The following ENPP1 variants were observed in gnomAD, a reference collection of about 807,000 sequenced individuals.
ENPP1 encodes ectonucleotide pyrophosphatase/phosphodiesterase 1.
In ENPP1, 73 loss-of-function variants were observed where a neutral mutation model predicts 122.8. The observed-to-expected ratio is 0.59, with a 90% CI of 0.49 to 0.72. ENPP1 has a LOEUF of 0.72. Among genes scored for constraint, ENPP1 ranks in the 30% least tolerant of loss-of-function variants. The pLI, the probability that ENPP1 is intolerant of heterozygous loss-of-function variation, is 0.00. For missense variants in ENPP1, 978 were observed against 1,128.1 expected (o/e 0.87, Z 1.91); for synonymous variants, 367 against 391.6 (o/e 0.94, Z 0.74).
chr6:131,864,916 C>T lies in ENPP1; in HGVS notation c.1142C>T (p.Ser381Leu). Residue 381 changes from serine to leucine, a missense_variant, in exon 11 of 25, where the codon TCA becomes TTA. Coordinates refer to ENST00000647893, the MANE Select transcript of ENPP1 (RefSeq NM_006208.3). ...GAAGAACCAGATTCTTCAGGTCATT[C>T]ATATGGACCAGTCAGCAGTGAAGTA... Reference protein sequence around the residue: ...YLEEPDSSGHSYGPVSSEVIK... With the variant: ...YLEEPDSSGHLYGPVSSEVIK... 1 of 1,602,356 alleles carries T rather than the reference C, an allele frequency of 6.2e-7. No individual in the cohort carries two copies. The highest frequency in any genetic ancestry group is 8.6e-7 in the Non-Finnish European group (1 of 1,169,472).
intron 22 of ENPP1, among the ~76,000 whole-genome samples, 199 bp from the exon 23 acceptor site, chr6:131,884,732 G>A (rs1782354167): frequency 6.6e-6 from 1 of 152,146 alleles, no homozygotes; most frequent in African/African-American, 2.4e-5. Flanking sequence ...CTATGATTGT[G>A]CCACTGCACT....
chr6:131,822,731 C>T (rs1781497735), intron 1 of ENPP1, among the ~76,000 whole-genome samples: 1 of 152,020 alleles, frequency 6.6e-6, no homozygotes, highest in Non-Finnish European at 1.5e-5. Context: ...ATTTTAGTAT[C>T]CTCAATTCAG....
Position 131,893,945 on chromosome 6 carries a change from ATTTCTTTTTTT to A in ENPP1, c.*3438_*3448del, listed in dbSNP as rs1782507454. On this transcript the variant is annotated 3_prime_UTR_variant, in exon 25 of 25. Transcript: ENST00000647893. Reference sequence around the variant, plus strand: ...CAAAGTGAAACCTTTATTTATCTTGATTTCTTTTTTTTTTTTTTTTTTTTTTTTTTTTTTGA... The same window carrying A: ...CAAAGTGAAACCTTTATTTATCTTGATTTTTTTTTTTTTTTTTTTTTTTGA... 1 of 67,172 alleles carries A rather than the reference ATTTCTTTTTTT, an allele frequency of 1.5e-5. No individual in the cohort carries two copies. The highest frequency in any genetic ancestry group is 5.2e-5 in the African/African-American group (1 of 19,182). 4.2% of individuals were successfully genotyped at this position (67,172 alleles called of 1,614,324 possible).
At chr6:131,822,092 G>T (rs112019819) in intron 1 of ENPP1, among the ~76,000 whole-genome samples, 2 of 152,118 alleles carry the variant, frequency 1.3e-5, no homozygotes, top group African/African-American at 4.8e-5. Context: ...TGGATTAGTC[G>T]GGGAAATAAG....
intron 1 of ENPP1, among the ~76,000 whole-genome samples, chr6:131,814,296 G>C (rs577609248): frequency 6.6e-6 from 1 of 152,132 alleles, no homozygotes; most frequent in African/African-American, 2.4e-5. Flanking sequence ...CATGTGGTAG[G>C]ACTTCCAAAA....
chr6:131,829,933 G>A (rs1349396884), intron 1 of ENPP1, among the ~76,000 whole-genome samples: 1 of 152,078 alleles, frequency 6.6e-6, no homozygotes, highest in Non-Finnish European at 1.5e-5. Context: ...GGCCTCTCCT[G>A]GTCTGATGCT....
chr6:131,826,091 C>T, intron 1 of ENPP1: 1 of 793,382 alleles, frequency 1.3e-6, no homozygotes, highest in Non-Finnish European at 2.3e-6. Context: ...TGATATCCTT[C>T]CAGTTCAGGA....
At chr6:131,831,954 T>G (rs1781619814) in intron 1 of ENPP1, among the ~76,000 whole-genome samples, 1 of 152,218 alleles carries the variant, frequency 6.6e-6, no homozygotes, top group African/African-American at 2.4e-5. Flanking sequence ...TTATATTTAT[T>G]TATTCAGTCT....
Position 131,808,124 on chromosome 6 carries a change from A to G in ENPP1, c.89A>G (p.Asp30Gly). 7.7e-7 allele frequency: 1 copy of G among 1,296,690 alleles called. No homozygotes were observed. The highest frequency in any genetic ancestry group is 9.8e-7 in the Non-Finnish European group (1 of 1,017,546). 80.3% of individuals were successfully genotyped at this position (1,296,690 alleles called of 1,614,324 possible). The change falls in exon 1 of 25, where the codon GAT (aspartate) becomes GGT (glycine). Residue 30 changes from aspartate to glycine, a missense_variant. Physicochemically the swap from Asp to Gly is moderately conservative, Grantham distance 94. This residue lies in a region of ENPP1 where 330 missense variants were observed against 328.5 expected (regional missense o/e 1.00). Transcript: ENST00000647893. ...GAGGGCCCGGCGGGGAACGGCCGCG[A>G]TCGGGGCCGCAGCCACGCTGCCGAG... Reference protein sequence around the residue: ...PREGPAGNGRDRGRSHAAEAP... With the variant: ...PREGPAGNGRGRGRSHAAEAP...
At chr6:131,808,413 G>T (rs778580740) in intron 1 of ENPP1, 138 bp downstream of exon 1, 253 of 1,147,974 alleles carry the variant, frequency 2.2e-4, no homozygotes, top group Non-Finnish European at 2.7e-4. Context: ...TCGCCCGCGC[G>T]CTCTCCTCCG....
At chr6:131,843,754 TC>T (rs1354292720) in intron 1 of ENPP1, among the ~76,000 whole-genome samples, 1 of 151,768 alleles carries the variant, frequency 6.6e-6, no homozygotes, top group Non-Finnish European at 1.5e-5. Flanking sequence ...TAAGCTGGGC[TC>T]CCAGAGCTGG....
chr6:131,867,869 G>A, intron 11 of ENPP1, 149 bp from the exon 12 acceptor site: 3 of 646,308 alleles, frequency 4.6e-6, no homozygotes, highest in Non-Finnish European at 8.3e-6. Flanking sequence ...CATTGTAGTT[G>A]CATCCACTGG....
chr6:131,829,568 A>T (rs980088764), intron 1 of ENPP1, among the ~76,000 whole-genome samples: 2 of 152,146 alleles, frequency 1.3e-5, no homozygotes, highest in African/African-American at 4.8e-5. Flanking sequence ...CTGATTATTT[A>T]CTGTTTGAGT....
At position 131,860,432 on chromosome 6, in the gene ENPP1, G is replaced by T. The variant is rs1782006813; in HGVS notation, c.841G>T (p.Asp281Tyr). Residue 281 changes from aspartate to tyrosine, a missense_variant, in exon 8 of 25, where the codon GAT becomes TAT. Coordinates refer to ENST00000647893, the MANE Select transcript of ENPP1 (RefSeq NM_006208.3). The part of the protein sequence containing the change: ...SHGIIDNKMY[D>Y]PKMNASFSLK... ...TGGCATAATCGACAATAAAATGTAT[G>T]ATCCCAAAATGAATGCTTCCTTTTC... The T allele has an allele frequency of 1.3e-6, 2 of 1,594,334 alleles. No homozygotes were observed. The highest frequency in any genetic ancestry group is 1.7e-6 in the Non-Finnish European group (2 of 1,162,596).
rs73539676 is a variant in ENPP1, at chr6:131,865,532, T to G, written c.1164+594T>G. On this transcript the variant is annotated intron_variant, in intron 11 of 24. Transcript: ENST00000647893. ...TTGACCTGACACCCTTTCAGGAACT[T>G]AGCCAGCGCCTAGCTATGTTTTTAA... Among the ~76,000 whole-genome samples, 1,083 of 152,358 alleles carry G rather than the reference T, an allele frequency of 7.1e-3. 12 individuals carry two copies. Among genetic ancestry groups the G allele is most frequent in the African/African-American group, 0.024 (988 of 41,598 alleles).
chr6:131,822,322 A>G (rs965684865), intron 1 of ENPP1, among the ~76,000 whole-genome samples: 6 of 152,208 alleles, frequency 3.9e-5, no homozygotes, highest in African/African-American at 1.4e-4. Context: ...CACATGAATC[A>G]TTTGCTATGT....
chr6:131,854,944 C>A lies in ENPP1; in HGVS notation c.636C>A (p.Thr212=). ...TACCCAGGTTTGAAACGCCTCCTAC[C>A]CTCTTATTTTCTTTGGATGGATTCA... ...QCPAGFETPP[T]LLFSLDGFRA... The change falls in exon 6 of 25, where the codon ACC becomes ACA. Residue 212 remains threonine (T), a synonymous_variant. Coordinates refer to ENST00000647893, the MANE Select transcript of ENPP1 (RefSeq NM_006208.3). The A allele has an allele frequency of 6.2e-7, 1 of 1,613,276 alleles. No individual in the cohort carries two copies. Among genetic ancestry groups the A allele is most frequent in the Non-Finnish European group, 8.5e-7 (1 of 1,179,468 alleles).
At chr6:131,828,967 G>A (rs1329030505) in intron 1 of ENPP1, among the ~76,000 whole-genome samples, 2 of 152,148 alleles carry the variant, frequency 1.3e-5, no homozygotes, top group Admixed American at 6.5e-5. Context: ...CAAGGTGCCC[G>A]AATGAGTATG....
chr6:131,883,888 T>A (rs1210651952), intron 22 of ENPP1, 114 bp downstream of exon 22: 2 of 642,918 alleles, frequency 3.1e-6, no homozygotes, highest in East Asian at 5.4e-5. Context: ...ACCAAATACA[T>A]TCTTAAAGGT....
Sources: allele counts gnomAD v4.1 joint callset (sites outside exome capture counted in the v4.1 genomes callset), GRCh38; gene constraint gnomAD v4.1.1; regional missense constraint gnomAD v4.1.1; transcripts MANE v1.5; gene names NCBI Gene and HGNC (gene_info 2026-07-23, HGNC 2026-07-21).